PDGFRB: variants seen among roughly 807,000 people sequenced by gnomAD.
PDGFRB encodes the protein platelet-derived growth factor receptor beta.
PDGFRB carries 42 observed loss-of-function variants against 120.2 expected under a neutral mutation model. That is an observed-to-expected ratio of 0.35 (90% CI 0.27 to 0.45). The LOEUF is 0.45. Ranked by LOEUF, PDGFRB falls within the 20% of genes least tolerant of loss-of-function variation. The pLI is 1.00. For synonymous variants in PDGFRB, 586 were observed against 606.8 expected, an observed-to-expected ratio of 0.97 and a Z score of 0.50; for missense variants, 1,149 against 1,476.3, an observed-to-expected ratio of 0.78 and a Z score of 3.63.
rs781338234 is a variant in PDGFRB at position 150,125,464 on chromosome 5, C to T, written c.1788G>A (p.Pro596=). 33 of 1,612,134 alleles carry T rather than the reference C, an allele frequency of 2.0e-5. 1 individual carries two copies. The highest frequency in any genetic ancestry group is 7.7e-5 in the South Asian group (7 of 90,866). ...QLPYDSTWEL[P]RDQLVLGRTL... ...ACTGACCCAGCACAAGCTGGTCCCG[C>T]GGCAGCTCCCACGTGGAGTCATAGG... Residue 596 remains proline (P), a synonymous_variant, in exon 12 of 23, where the codon CCG becomes CCA. Coordinates refer to ENST00000261799, the MANE Select transcript of PDGFRB (RefSeq NM_002609.4).
chr5:150,122,509 A>G (rs1269935975), intron 15 of PDGFRB, among the ~76,000 whole-genome samples: 2 of 152,256 alleles, frequency 1.3e-5, no homozygotes, highest in Non-Finnish European at 2.9e-5. Flanking sequence ...CTCCTGGGAG[A>G]CTGAATGTCA....
intron 14 of PDGFRB, 79 bp downstream of exon 14, chr5:150,124,171 G>A (rs2113894398): frequency 2.1e-6 from 2 of 939,546 alleles, no homozygotes; most frequent in South Asian, 1.5e-5. Context: ...GTTGTGCAAG[G>A]CCTGAGGGGG....
chr5:150,152,053 C>T (rs1761092904), intron 1 of PDGFRB, among the ~76,000 whole-genome samples: 1 of 151,816 alleles, frequency 6.6e-6, no homozygotes, highest in Non-Finnish European at 1.5e-5. Context: ...GATACAGGTG[C>T]GCACCACCAC....
chr5:150,145,858 C>A lies in PDGFRB; in HGVS notation c.-6-8805G>T, dbSNP rs573563860. ...CGCCACTGCACTCCAGCCTGGGCAA[C>A]AAGAGTGAAACTCCGTCTCAAAAAA... On this transcript the variant is annotated intron_variant, in intron 1 of 22. Transcript: ENST00000261799. 4.6e-5 allele frequency among the ~76,000 whole-genome samples: 7 copies of A among 152,232 alleles called. No individual in the cohort carries two copies. The East Asian group carries it at 1.3e-3, about 29-fold the overall frequency.
chr5:150,135,141 C>T, intron 3 of PDGFRB, 125 bp from the exon 4 acceptor site: 1 of 614,410 alleles, frequency 1.6e-6, no homozygotes. Context: ...TAGGGATGCT[C>T]CCAGAAGAGC....
chr5:150,120,805 G>A lies in PDGFRB; in HGVS notation c.2586+83C>T. The stretch of plus-strand genomic sequence containing the variant: ...GCCCCACACAGATTTCCTATGAGCT[G>A]CAGCCACACTGGTCAGGAGGGAATC... On this transcript the variant is annotated intron_variant, in intron 18 of 22. Coordinates refer to ENST00000261799, the MANE Select transcript of PDGFRB (RefSeq NM_002609.4). This position sits in a 1 kb window ranked among gnomAD's most constrained non-coding sequence, Gnocchi z 4.3. 1 of 1,323,998 alleles carries A rather than the reference G, an allele frequency of 7.6e-7. No individual in the cohort carries two copies. Among genetic ancestry groups the A allele is most frequent in the Middle Eastern group, 1.8e-4 (1 of 5,434 alleles). The allele number at this position is 1,323,998 out of a possible 1,614,324, so 82.0% of individuals were successfully genotyped here. A position where few individuals can be genotyped will look rare whatever the true frequency, so the allele number is the denominator to read the frequency against.
At position 150,129,893 on chromosome 5, in the gene PDGFRB, C is replaced by T. The variant is rs750008291; in HGVS notation, c.1443G>A (p.Thr481=). The stretch of plus-strand genomic sequence containing the variant: ...CAAACTCCTGCTCCTCCTCCCAGTA[C>T]GTCACGTTAGTCTCCAGCTGGCTCT... The part of the protein sequence containing the change: ...EEESQLETNV[T]YWEEEQEFEV... Residue 481 remains threonine (T), a synonymous_variant, in exon 10 of 23, where the codon ACG becomes ACA. Transcript: ENST00000261799. 21 of 1,614,054 alleles carry T rather than the reference C, an allele frequency of 1.3e-5. No homozygotes were observed. The highest frequency in any genetic ancestry group is 2.7e-5 in the African/African-American group (2 of 74,950).
intron 1 of PDGFRB, among the ~76,000 whole-genome samples, chr5:150,148,482 A>G (rs906963161): frequency 2.0e-5 from 3 of 152,220 alleles, no homozygotes; most frequent in African/African-American, 7.2e-5. Context: ...GATGGAGATG[A>G]GCTGGTGAGG....
In PDGFRB at chr5:150,127,833, TAAAAAA is replaced by T. The variant is rs56899708; in HGVS notation, c.1580-1225_1580-1220del. Among the ~76,000 whole-genome samples the T allele has an allele frequency of 2.9e-3, 180 of 62,430 alleles. 3 individuals are homozygous for T. The highest frequency in any genetic ancestry group is 4.2e-3 in the Non-Finnish European group (151 of 35,658). 41.0% of individuals were successfully genotyped at this position (62,430 alleles called of 152,430 possible). A position where few individuals can be genotyped will look rare whatever the true frequency, so the allele number is the denominator to read the frequency against. On this transcript the variant is annotated intron_variant, in intron 10 of 22. Coordinates refer to ENST00000261799, the MANE Select transcript of PDGFRB (RefSeq NM_002609.4). ...TGGGCAACAGAGCCAGACTCCATCT[TAAAAAA>T]AAAAAAAAAAAAAAAAAAAACTTTG...
rs371365227 is a variant in PDGFRB at position 150,130,653 on chromosome 5, C to T, written c.1253G>A (p.Arg418Gln). ...GTGGCTCTCACTTAGCTCCAGCACT[C>T]GGACAGGGACTGCATGGAGAGAGCA... ...SFQLQINVPV[R>Q]VLELSESHPD... Residue 418 changes from arginine (R) to glutamine (Q), a missense_variant, in exon 9 of 23, where the codon CGA becomes CAA. By Grantham distance (43) the Arg-to-Gln change is conservative. This residue lies in a region of PDGFRB where 879 missense variants were observed against 1,108.6 expected (regional missense o/e 0.79). Transcript: ENST00000261799. 2.7e-5 allele frequency: 44 copies of T among 1,613,052 alleles called. No individual in the cohort carries two copies. Among genetic ancestry groups the T allele is most frequent in the South Asian group, 9.9e-5 (9 of 91,034 alleles).
rs75001797 is a variant in PDGFRB at position 150,147,652 on chromosome 5, G to T, written c.-7+7745C>A. On this transcript the variant is annotated intron_variant, in intron 1 of 22. Coordinates refer to ENST00000261799, the MANE Select transcript of PDGFRB (RefSeq NM_002609.4). ...TTGAGATTCCCCTCAGAGCCCTCCT[G>T]GGCGGCAGAGCAGGAGGGCAGAGAA... 4.0e-3 allele frequency among the ~76,000 whole-genome samples: 605 copies of T among 152,320 alleles called. 7 individuals carry two copies. The highest frequency in any genetic ancestry group is 9.9e-3 in the African/African-American group (412 of 41,572).
At position 150,133,775 on chromosome 5, in the gene PDGFRB, T is replaced by C. The variant is rs755178377; in HGVS notation, c.760-15A>G. 65 of 1,613,182 alleles carry C rather than the reference T, an allele frequency of 4.0e-5. No homozygotes were observed. Among genetic ancestry groups the C allele is most frequent in the Non-Finnish European group, 5.3e-5 (62 of 1,179,282 alleles). The stretch of plus-strand genomic sequence containing the variant: ...AGCCGCCCACTCTGCAGCAACAGGT[T>C]GGGCAGGCCCCCCAAATCAGGAGGG... On this transcript the variant is annotated splice_polypyrimidine_tract_variant and intron_variant, in intron 5 of 22. Transcript: ENST00000261799.
chr5:150,115,483 C>T lies in PDGFRB; in HGVS notation c.*280G>A, dbSNP rs1240229109. 4 of 329,250 alleles carry T rather than the reference C, an allele frequency of 1.2e-5. No homozygotes were observed. Among genetic ancestry groups the T allele is most frequent in the African/African-American group, 8.4e-5 (4 of 47,502 alleles). 20.4% of individuals were successfully genotyped at this position (329,250 alleles called of 1,614,324 possible). On this transcript the variant is annotated 3_prime_UTR_variant, in exon 23 of 23. Coordinates refer to ENST00000261799, the MANE Select transcript of PDGFRB (RefSeq NM_002609.4). The stretch of plus-strand genomic sequence containing the variant: ...TTCTGGGTCATCAAGCCTAACTTTC[C>T]CATTTTACATATGGGAAAACTGAGT...
intron 10 of PDGFRB, 108 bp downstream of exon 10, chr5:150,129,649 G>A (rs886364618): frequency 6.0e-6 from 5 of 831,148 alleles, no homozygotes; most frequent in Non-Finnish European, 9.6e-6. Flanking sequence ...TTTGCCCCTG[G>A]GCATGCTAAC....
At chr5:150,117,250 T>C (rs1759964267) in intron 22 of PDGFRB, among the ~76,000 whole-genome samples, 1 of 152,054 alleles carries the variant, frequency 6.6e-6, no homozygotes. Context: ...AGGCTGGCCA[T>C]GAGTAACAGC....
intron 1 of PDGFRB, 58 bp downstream of exon 1, chr5:150,155,339 A>T: frequency 1.3e-5 from 3 of 233,882 alleles, no homozygotes; most frequent in East Asian, 7.1e-5. Flanking sequence ...GAAGAGATGC[A>T]GGTTAGGGCA....
intron 10 of PDGFRB, among the ~76,000 whole-genome samples, chr5:150,127,783 G>A (rs774086079): frequency 7.7e-6 from 1 of 129,136 alleles, no homozygotes; most frequent in East Asian, 2.4e-4. Flanking sequence ...GCAGTGAGCC[G>A]AGATCACACC....
intron 8 of PDGFRB, 22 bp downstream of exon 8, chr5:150,131,957 T>C: frequency 8.1e-7 from 1 of 1,231,400 alleles, no homozygotes; most frequent in Non-Finnish European, 1.2e-6. Context: ...AGCAGGGACA[T>C]GGCGAGGGGC....
At chr5:150,145,311 G>A (rs1174942423) in intron 1 of PDGFRB, among the ~76,000 whole-genome samples, 2 of 152,204 alleles carry the variant, frequency 1.3e-5, no homozygotes, top group Non-Finnish European at 2.9e-5. Flanking sequence ...TACATTATCA[G>A]TAAGGCCCAC....
Sources: allele counts gnomAD v4.1 joint callset (sites outside exome capture counted in the v4.1 genomes callset), GRCh38; gene constraint gnomAD v4.1.1; regional missense constraint gnomAD v4.1.1; non-coding constraint Gnocchi (gnomAD v3.1); transcripts MANE v1.5; gene names NCBI Gene and HGNC (gene_info 2026-07-23, HGNC 2026-07-21).